ABCA2: variants seen among roughly 807,000 people sequenced by gnomAD.
The protein encoded by ABCA2 is ATP-binding cassette sub-family A member 2.
In ABCA2, 84 loss-of-function variants were observed where a neutral mutation model predicts 262.8. The ratio of observed to expected loss-of-function variants is 0.32; its 90% confidence interval spans 0.27 to 0.38. The LOEUF (loss-of-function observed/expected upper bound fraction) is 0.38, where lower values mean the gene tolerates loss of function less well. Among genes scored for constraint, ABCA2 ranks in the 10% least tolerant of loss-of-function variants. The pLI, the probability that ABCA2 is intolerant of heterozygous loss-of-function variation, is 1.00. For missense variants in ABCA2, 2,662 were observed against 3,405.9 expected (o/e 0.78, Z 5.44); for synonymous variants, 1,696 against 1,502.9 (o/e 1.13, Z -2.97).
intron 24 of ABCA2, 136 bp from the exon 25 acceptor site, chr9:137,015,233 G>A: frequency 8.2e-7 from 1 of 1,226,096 alleles, no homozygotes; most frequent in Non-Finnish European, 1.1e-6. Flanking sequence ...GGGCCCAGGG[G>A]GTGACGCTGA....
chr9:137,017,129 G>A lies in ABCA2; in HGVS notation c.2554-5C>T, dbSNP rs761191056. On this transcript the variant is annotated splice_polypyrimidine_tract_variant and splice_region_variant and intron_variant, in intron 18 of 48. Coordinates refer to ENST00000341511, the MANE Select transcript of ABCA2 (RefSeq NM_001606.5). ...GGCCGTCGTGGACATGAGGGACTGA[G>A]AAGGCAGTGGTGTCAGCACGTGGGG... The A allele has an allele frequency of 1.7e-5, 28 of 1,612,118 alleles. No individual in the cohort carries two copies. Among genetic ancestry groups the A allele is most frequent in the Middle Eastern group, 1.6e-4 (1 of 6,082 alleles).
At chr9:137,016,533 C>A in intron 20 of ABCA2, 41 bp downstream of exon 20, 1 of 1,612,226 alleles carries the variant, frequency 6.2e-7, no homozygotes, top group Non-Finnish European at 8.5e-7. Context: ...GGACTCTGAA[C>A]CCAGCGCCCA....
In ABCA2 at chr9:137,011,249, G is replaced by A. The variant is rs778445383; in HGVS notation, c.5860C>T (p.Leu1954=). The change falls in exon 38 of 49, where the codon CTG becomes TTG. Residue 1954 remains leucine, a synonymous_variant. Coordinates refer to ENST00000341511, the MANE Select transcript of ABCA2 (RefSeq NM_001606.5). The surrounding 1 kb of genome is among the most constrained non-coding windows in gnomAD (Gnocchi z 8.8). ...GCCATCTCCATGAGCCCGTGGCCCA[G>A]GTTGTAGTTGGGGAAAATGAGGAAG... ...SCFLIFPNYN[L]GHGLMEMAYN... is the part of the protein sequence containing the mutation. 8.7e-6 allele frequency: 14 copies of A among 1,612,612 alleles called. No individual in the cohort carries two copies. In the South Asian group the frequency reaches 1.1e-4, roughly 13 times the overall value.
chr9:137,010,308 G>C lies in ABCA2; in HGVS notation c.6238C>G (p.Pro2080Ala). 1 of 1,592,184 alleles carries C rather than the reference G, an allele frequency of 6.3e-7. No homozygotes were observed. Among genetic ancestry groups the C allele is most frequent in the South Asian group, 1.1e-5 (1 of 87,882 alleles). ...CCCAGGAGCCCGAAGCACTCGCCAGGACGCACACCCAGGCACAGGCGGTCA... is the reference window on the plus strand; with the variant it reads ...CCCAGGAGCCCGAAGCACTCGCCAGCACGCACACCCAGGCACAGGCGGTCA... The part of the protein sequence containing the change: ...AVDRLCLGVR[P>A]GECFGLLGVN... Residue 2080 changes from proline (P) to alanine (A), a missense_variant, in exon 41 of 49, where the codon CCT becomes GCT. Coordinates refer to ENST00000341511, the MANE Select transcript of ABCA2 (RefSeq NM_001606.5).
chr9:137,010,442 G>T, intron 40 of ABCA2, 71 bp from the exon 41 acceptor site: 5 of 858,808 alleles, frequency 5.8e-6, no homozygotes, highest in South Asian at 6.2e-5. Context: ...ACCCCACCCA[G>T]ACCCTGCCCC....
In ABCA2 at chr9:137,009,328, C is replaced by T. The variant is rs756249464; in HGVS notation, c.6827+42G>A. On this transcript the variant is annotated intron_variant, in intron 45 of 48. Transcript: ENST00000341511. The stretch of plus-strand genomic sequence containing the variant: ...TGGCCCCGCTGCCTGGCCGCCCCCC[C>T]CGGGCCCGCCCCAGCCCACCCCTGG... 4 of 1,086,770 alleles carry T rather than the reference C, an allele frequency of 3.7e-6. No individual in the cohort carries two copies. The South Asian group carries it at 5.5e-5, about 15-fold the overall frequency. The allele number at this position is 1,086,770 out of a possible 1,614,324, so 67.3% of individuals were successfully genotyped here.
Position 137,015,456 on chromosome 9 carries a change from G to C in ABCA2, c.3655C>G (p.Leu1219Val). 1 of 1,586,216 alleles carries C rather than the reference G, an allele frequency of 6.3e-7. No individual in the cohort carries two copies. Among genetic ancestry groups the C allele is most frequent in the South Asian group, 1.1e-5 (1 of 87,890 alleles). ...LKGTYGDGYRLTLVKRPAEPG... is the reference protein window; with the variant it reads ...LKGTYGDGYRVTLVKRPAEPG... ...TCGGCGGGCCGCTTGACCAGCGTGA[G>C]GCGGTACCCGTCGCCATAGGTGCCC... The change falls in exon 24 of 49, where the codon CTC becomes GTC. Residue 1219 changes from leucine to valine, a missense_variant. Leu to Val is a conservative substitution (Grantham distance 32). Coordinates refer to ENST00000341511, the MANE Select transcript of ABCA2 (RefSeq NM_001606.5).
At chr9:137,009,235 C>A in intron 45 of ABCA2, 135 bp downstream of exon 45, 5 of 738,832 alleles carry the variant, frequency 6.8e-6, no homozygotes, top group Non-Finnish European at 1.1e-5. Flanking sequence ...GCCCCAGTCC[C>A]CCCAGCCCCA....
chr9:137,024,179 G>A lies in ABCA2; in HGVS notation c.124C>T (p.Leu42=), dbSNP rs373104193. Residue 42 remains leucine, a synonymous_variant, in exon 2 of 49, where the codon CTG becomes TTG. Coordinates refer to ENST00000341511, the MANE Select transcript of ABCA2 (RefSeq NM_001606.5). Reference sequence around the variant, plus strand: ...GAGATGGTGGGCTTCTTCTGTCGCAGCCCCAGCAGGATAAAGAACAGCACC... The same window carrying A: ...GAGATGGTGGGCTTCTTCTGTCGCAACCCCAGCAGGATAAAGAACAGCACC... ...PLVLFFILLG[L]RQKKPTISVK... 3.2e-5 allele frequency: 51 copies of A among 1,612,102 alleles called. No homozygotes were observed. In the African/African-American group the frequency reaches 5.6e-4, roughly 18 times the overall value.
Position 137,023,792 on chromosome 9 carries a change from G to A in ABCA2, c.163+46C>T, listed in dbSNP as rs549261707. On this transcript the variant is annotated intron_variant, in intron 3 of 48. Coordinates refer to ENST00000341511, the MANE Select transcript of ABCA2 (RefSeq NM_001606.5). ...AGCCAGGACGGCCCATGGGCCCCCC[G>A]CAGCTGCTGCCCAGGCCAGCCAGGA... The A allele has an allele frequency of 2.4e-5, 18 of 739,746 alleles. No individual in the cohort carries two copies. In the East Asian group the frequency reaches 4.1e-4, roughly 17 times the overall value. The allele number at this position is 739,746 out of a possible 1,614,324, so 45.8% of individuals were successfully genotyped here.
At position 137,011,147 on chromosome 9, in the gene ABCA2, G is replaced by A; in HGVS notation, c.5923+39C>T. On this transcript the variant is annotated intron_variant, in intron 38 of 48. Coordinates refer to ENST00000341511, the MANE Select transcript of ABCA2 (RefSeq NM_001606.5). The surrounding 1 kb of genome is among the most constrained non-coding windows in gnomAD (Gnocchi z 8.8). The stretch of plus-strand genomic sequence containing the variant: ...CAGGGCCTGTGCTCTGGGCCTTGCG[G>A]GGCCCCCACCGCCTTCCCCGCCCCA... 1.2e-6 allele frequency: 2 copies of A among 1,611,736 alleles called. No individual in the cohort carries two copies. Among genetic ancestry groups the A allele is most frequent in the Non-Finnish European group, 1.7e-6 (2 of 1,179,530 alleles).
rs542050472 is a variant in ABCA2, at chr9:137,018,128, C to G, written c.1993+50G>C. Reference sequence around the variant, plus strand: ...CGGGCAGGCCCTCTCGTCCTCACACCTGTCCTCCCCCATGAATCCTCCAGC... The same window carrying G: ...CGGGCAGGCCCTCTCGTCCTCACACGTGTCCTCCCCCATGAATCCTCCAGC... On this transcript the variant is annotated intron_variant, in intron 14 of 48. Transcript: ENST00000341511. 4 of 1,609,926 alleles carry G rather than the reference C, an allele frequency of 2.5e-6. No homozygotes were observed. In the East Asian group the frequency reaches 6.7e-5, roughly 27 times the overall value.
Position 137,011,363 on chromosome 9 carries a change from C to G in ABCA2, c.5799+44G>C, listed in dbSNP as rs746595578. 2.5e-6 allele frequency: 4 copies of G among 1,606,192 alleles called. No individual in the cohort carries two copies. The highest frequency in any genetic ancestry group is 3.4e-6 in the Non-Finnish European group (4 of 1,176,446). On this transcript the variant is annotated intron_variant, in intron 37 of 48. Coordinates refer to ENST00000341511, the MANE Select transcript of ABCA2 (RefSeq NM_001606.5). The surrounding 1 kb of genome is among the most constrained non-coding windows in gnomAD (Gnocchi z 8.8). Reference sequence around the variant, plus strand: ...GGGGTGGCCGGGGTGAGGGGCACAGCCTCCGCAGGGTCCGCCACCCCCACC... The same window carrying G: ...GGGGTGGCCGGGGTGAGGGGCACAGGCTCCGCAGGGTCCGCCACCCCCACC...
Position 137,015,506 on chromosome 9 carries a change from C to T in ABCA2, c.3605G>A (p.Cys1202Tyr). 1 of 1,612,316 alleles carries T rather than the reference C, an allele frequency of 6.2e-7. No individual in the cohort carries two copies. The highest frequency in any genetic ancestry group is 8.5e-7 in the Non-Finnish European group (1 of 1,179,746). ...CTTGAGGAAGAGCGGGGAGCCGCAG[C>T]ACTTGAGCTTCCCATGGGAGATGAT... ...IAIISHGKLKCCGSPLFLKGT... is the reference protein window; with the variant it reads ...IAIISHGKLKYCGSPLFLKGT... The change falls in exon 24 of 49, where the codon TGC (cysteine) becomes TAC (tyrosine). Residue 1202 changes from cysteine (C) to tyrosine (Y), a missense_variant. By Grantham distance (194) the Cys-to-Tyr change is radical (BLOSUM62 -2). This residue lies in a region of ABCA2 where 180 missense variants were observed against 307.3 expected (regional missense o/e 0.59). Transcript: ENST00000341511.
rs1051211049 is a variant in ABCA2 at position 137,019,935 on chromosome 9, G to A, written c.1425+401C>T. The A allele has an allele frequency of 8.6e-6, 2 of 231,352 alleles. No homozygotes were observed. Among genetic ancestry groups the A allele is most frequent in the Non-Finnish European group, 1.7e-5 (2 of 115,530 alleles). 14.3% of individuals were successfully genotyped at this position (231,352 alleles called of 1,614,324 possible). A position where few individuals can be genotyped will look rare whatever the true frequency, so the allele number is the denominator to read the frequency against. ...ACACCCAGGATTGGCCTCGTCCACA[G>A]GCCCTCCCCTCCCAGGCCAATGTCC... On this transcript the variant is annotated intron_variant, in intron 10 of 48. Transcript: ENST00000341511. This position sits in a 1 kb window ranked among gnomAD's most constrained non-coding sequence, Gnocchi z 4.4.
chr9:137,020,597 G>T, intron 9 of ABCA2, 97 bp downstream of exon 9: 2 of 1,552,870 alleles, frequency 1.3e-6, no homozygotes, highest in Non-Finnish European at 1.7e-6. Context: ...ACAGGGCAGG[G>T]CGCCAAATGA....
In ABCA2 at chr9:137,009,194, C is replaced by T. The variant is rs1215774739; in HGVS notation, c.6828-141G>A. The T allele has an allele frequency of 6.0e-6, 6 of 994,500 alleles. No individual in the cohort carries two copies. In the African/African-American group the frequency reaches 9.9e-5, roughly 16 times the overall value. The allele number at this position is 994,500 out of a possible 1,614,324, so 61.6% of individuals were successfully genotyped here. On this transcript the variant is annotated intron_variant, in intron 45 of 48. Transcript: ENST00000341511. ...CAGCCCCCCAACCCCACAGCCCCCA[C>T]AGCCCTCCAGGCTCCTCCCCTGGCC...
At position 137,018,364 on chromosome 9, in the gene ABCA2, G is replaced by A. The variant is rs748063345; in HGVS notation, c.1820-13C>T. 2.5e-6 allele frequency: 4 copies of A among 1,584,642 alleles called. No individual in the cohort carries two copies. The highest frequency in any genetic ancestry group is 1.7e-5 in the Admixed American group (1 of 57,332). Reference sequence around the variant, plus strand: ...TGGAAGATCACACCTGGGGCCGGGAGGTTGGGGCGGGGCCAAGATGCAGGG... The same window carrying A: ...TGGAAGATCACACCTGGGGCCGGGAAGTTGGGGCGGGGCCAAGATGCAGGG... On this transcript the variant is annotated splice_polypyrimidine_tract_variant and intron_variant, in intron 13 of 48. Transcript: ENST00000341511.
Position 137,022,803 on chromosome 9 carries a change from G to A in ABCA2, c.338C>T (p.Ala113Val), listed in dbSNP as rs561819886. Residue 113 changes from alanine (A) to valine (V), a missense_variant, in exon 5 of 49, where the codon GCG becomes GTG. Transcript: ENST00000341511. Reference protein sequence around the residue: ...VVEEGNLFDPARPSLGSELEA... With the variant: ...VVEEGNLFDPVRPSLGSELEA... Reference sequence around the variant, plus strand: ...GAGCTCTGAGCCCAGGCTGGGCCGCGCTGGGTCAAACAGGTTGCCTTCCTC... The same window carrying A: ...GAGCTCTGAGCCCAGGCTGGGCCGCACTGGGTCAAACAGGTTGCCTTCCTC... 30 of 1,593,120 alleles carry A rather than the reference G, an allele frequency of 1.9e-5. No individual in the cohort carries two copies. The highest frequency in any genetic ancestry group is 6.8e-5 in the South Asian group (6 of 87,840).
Sources: allele counts gnomAD v4.1 joint callset, GRCh38; gene constraint gnomAD v4.1.1; regional missense constraint gnomAD v4.1.1; non-coding constraint Gnocchi (gnomAD v3.1); transcripts MANE v1.5; gene names NCBI Gene and HGNC (gene_info 2026-07-23, HGNC 2026-07-21).